Variants in ETHE1 observed in about 807,000 individuals in gnomAD.
The protein encoded by ETHE1 is persulfide dioxygenase ETHE1, mitochondrial.
Under a neutral mutation model 25.7 loss-of-function variants are expected in ETHE1, and 16 were observed. The ratio of observed to expected loss-of-function variants is 0.62; its 90% CI spans 0.42 to 0.95. ETHE1 has a LOEUF of 0.95. ETHE1 is among the 40% of genes least tolerant of loss of function. The probability of loss-of-function intolerance (pLI) is 0.00; values close to 1 mark genes in which losing one functional copy is unlikely to be tolerated. For synonymous variants in ETHE1, 139 were observed against 135.9 expected, an observed-to-expected ratio of 1.02 and a Z score of -0.16; for missense variants, 300 against 333.6, an observed-to-expected ratio of 0.90 and a Z score of 0.79.
At chr19:43,515,968 C>T (rs1005488162) in intron 3 of ETHE1, among the ~76,000 whole-genome samples, 2 of 152,064 alleles carry the variant, frequency 1.3e-5, no homozygotes, top group Non-Finnish European at 2.9e-5. Context: ...ATACACTGGA[C>T]GTAGGGATAA....
At chr19:43,527,075 T>G in intron 1 of ETHE1, 22 bp downstream of exon 1, 2 of 1,548,584 alleles carry the variant, frequency 1.3e-6, no homozygotes, top group Non-Finnish European at 1.7e-6. Flanking sequence ...AGCAGTCCCC[T>G]CCTAGGTCCA....
chr19:43,520,633 G>C (rs1187000841), intron 3 of ETHE1, among the ~76,000 whole-genome samples: 1 of 151,838 alleles, frequency 6.6e-6, no homozygotes, highest in Admixed American at 6.6e-5. Flanking sequence ...CCAGGAGGTT[G>C]AGGCTGCAGT....
At chr19:43,521,508 G>A (rs1261863936) in intron 3 of ETHE1, among the ~76,000 whole-genome samples, 1 of 151,966 alleles carries the variant, frequency 6.6e-6, no homozygotes, top group African/African-American at 2.4e-5. Flanking sequence ...AGATCCTGAA[G>A]GCAGCCAGCT....
chr19:43,511,353 C>T (rs983554734), intron 4 of ETHE1, 84 bp downstream of exon 4: 12 of 1,589,914 alleles, frequency 7.5e-6, no homozygotes, highest in Non-Finnish European at 9.5e-6. Context: ...AATGTCCATC[C>T]ATTCATTCTT....
chr19:43,521,337 A>T (rs1972135071), intron 3 of ETHE1, among the ~76,000 whole-genome samples: 1 of 151,932 alleles, frequency 6.6e-6, no homozygotes, highest in Non-Finnish European at 1.5e-5. Context: ...AAAAAAAAGA[A>T]TTACTCCTGT....
intron 3 of ETHE1, among the ~76,000 whole-genome samples, chr19:43,519,965 G>A (rs1972107367): frequency 6.6e-6 from 1 of 151,580 alleles, no homozygotes; most frequent in South Asian, 2.1e-4. Flanking sequence ...TGTAGGCCCA[G>A]CTACTTGGGA....
At chr19:43,520,667 T>G (rs1207195860) in intron 3 of ETHE1, among the ~76,000 whole-genome samples, 1 of 150,914 alleles carries the variant, frequency 6.6e-6, no homozygotes, top group East Asian at 1.9e-4. Context: ...ACCACTGCAC[T>G]CCAGCCTGGA....
At position 43,511,547 on chromosome 19, in the gene ETHE1, C is replaced by A; in HGVS notation, c.395G>T (p.Ser132Ile). 6.2e-7 allele frequency: 1 copy of A among 1,613,914 alleles called. No homozygotes were observed. Residue 132 changes from serine (S) to isoleucine (I), a missense_variant, in exon 4 of 7, where the codon AGC becomes ATC. Ser to Ile is a moderately radical substitution (Grantham distance 142). Coordinates refer to ENST00000292147, the MANE Select transcript of ETHE1 (RefSeq NM_014297.5). ...GACACAGCCTGGGGTGTGGCCAGGGCTGGCCCTGGTCTCCAACGCCTGGCA... is the reference window on the plus strand; with the variant it reads ...GACACAGCCTGGGGTGTGGCCAGGGATGGCCCTGGTCTCCAACGCCTGGCA... The part of the protein sequence containing the change: ...FGRFALETRA[S>I]PGHTPGCVTF...
chr19:43,526,934 C>T (rs1006890298), intron 1 of ETHE1, 163 bp downstream of exon 1: 9 of 1,500,264 alleles, frequency 6.0e-6, no homozygotes, highest in Non-Finnish European at 8.0e-6. Flanking sequence ...CCAGACCACT[C>T]ACCTTTAAAG....
intron 3 of ETHE1, among the ~76,000 whole-genome samples, chr19:43,513,285 G>T (rs1320982874): frequency 1.3e-5 from 2 of 152,108 alleles, no homozygotes; most frequent in Non-Finnish European, 2.9e-5. Flanking sequence ...GTGGAGCTGT[G>T]AGAAGAGGGC....
intron 3 of ETHE1, among the ~76,000 whole-genome samples, chr19:43,521,645 G>A (rs1214179470): frequency 6.6e-6 from 1 of 151,160 alleles, no homozygotes; most frequent in African/African-American, 2.4e-5. Flanking sequence ...ACTCCAACCT[G>A]GGGGACAGAG....
At chr19:43,515,225 C>T (rs1017507519) in intron 3 of ETHE1, among the ~76,000 whole-genome samples, 15 of 151,888 alleles carry the variant, frequency 9.9e-5, no homozygotes, top group Non-Finnish European at 2.1e-4. Flanking sequence ...GAGACCACCC[C>T]GGCCAATGTG....
intron 5 of ETHE1, 104 bp downstream of exon 5, chr19:43,508,671 A>G: frequency 9.8e-7 from 1 of 1,021,236 alleles, no homozygotes; most frequent in Non-Finnish European, 1.5e-6. Context: ...TTGGCCAGAG[A>G]AATTTCTGAG....
At chr19:43,510,139 C>T (rs1211636686) in intron 4 of ETHE1, among the ~76,000 whole-genome samples, 1 of 152,088 alleles carries the variant, frequency 6.6e-6, no homozygotes, top group Non-Finnish European at 1.5e-5. Context: ...CACAAGACAG[C>T]TAAATTCCAG....
chr19:43,510,032 AG>A (rs1480851044), intron 4 of ETHE1, among the ~76,000 whole-genome samples: 2 of 152,186 alleles, frequency 1.3e-5, no homozygotes, highest in African/African-American at 4.8e-5. Context: ...AGAGATAAGG[AG>A]AGAGGGAAGA....
At chr19:43,519,411 C>CTAAA (rs1274274812) in intron 3 of ETHE1, among the ~76,000 whole-genome samples, 1 of 152,100 alleles carries the variant, frequency 6.6e-6, no homozygotes, top group Non-Finnish European at 1.5e-5. Flanking sequence ...ACATCTTGAC[C>CTAAA]TAAAGCAGCC....
chr19:43,514,659 T>C (rs965594912), intron 3 of ETHE1, among the ~76,000 whole-genome samples: 37 of 152,068 alleles, frequency 2.4e-4, no homozygotes, highest in African/African-American at 8.0e-4. Context: ...CTAATTTTTA[T>C]ATTTTTAGTA....
At chr19:43,508,623 G>T in intron 5 of ETHE1, 152 bp downstream of exon 5, 2 of 729,986 alleles carry the variant, frequency 2.7e-6, no homozygotes, top group Non-Finnish European at 4.9e-6. Context: ...GATTACAAGT[G>T]TGAGCCCCCT....
At chr19:43,508,622 T>C (rs1971842640) in intron 5 of ETHE1, among the ~76,000 whole-genome samples, 153 bp downstream of exon 5, 2 of 152,084 alleles carry the variant, frequency 1.3e-5, no homozygotes, top group Admixed American at 1.3e-4. Context: ...GGATTACAAG[T>C]GTGAGCCCCC....
Sources: allele counts gnomAD v4.1 joint callset (sites outside exome capture counted in the v4.1 genomes callset), GRCh38; gene constraint gnomAD v4.1.1; transcripts MANE v1.5; gene names NCBI Gene and HGNC (gene_info 2026-07-23, HGNC 2026-07-21).